Variants in ASCC2 observed in about 807,000 individuals in gnomAD.
ASCC2 encodes ASC-1 complex subunit P100.
In ASCC2, 42 loss-of-function variants were observed where a neutral mutation model predicts 93.5. That is an observed-to-expected ratio of 0.45 (90% confidence interval 0.35 to 0.58). The LOEUF is 0.58. Ranked by LOEUF, ASCC2 falls within the 20% of genes least tolerant of loss-of-function variation. ASCC2 has a pLI of 0.00. For synonymous variants in ASCC2, 364 were observed against 384.2 expected (o/e 0.95, Z 0.62); for missense variants, 859 against 977.6 (o/e 0.88, Z 1.62).
At chr22:29,815,483 C>T (rs1005639519) in intron 6 of ASCC2, among the ~76,000 whole-genome samples, 27 of 152,022 alleles carry the variant, frequency 1.8e-4, no homozygotes, top group African/African-American at 3.9e-4. Context: ...GAGAGGAAAA[C>T]GGTCCATCGT....
chr22:29,814,290 C>T (rs2060590955), intron 7 of ASCC2, among the ~76,000 whole-genome samples: 1 of 152,246 alleles, frequency 6.6e-6, no homozygotes, highest in Non-Finnish European at 1.5e-5. Context: ...GCTTTGCCTC[C>T]AGGCATAGCA....
chr22:29,792,676 A>G lies in ASCC2; in HGVS notation c.1920-141T>C, dbSNP rs913024441. On this transcript the variant is annotated intron_variant, in intron 17 of 19. Coordinates refer to ENST00000307790, the MANE Select transcript of ASCC2 (RefSeq NM_032204.5). ...GGAAAAACCAAAAGCCTTTCAAGCC[A>G]GATTTGCTCCAGCCCCTGGATTCTC... The G allele has an allele frequency of 1.1e-4, 133 of 1,191,406 alleles. 1 individual carries two copies. The highest frequency in any genetic ancestry group is 2.4e-4 in the Middle Eastern group (1 of 4,218). The allele number at this position is 1,191,406 out of a possible 1,614,324, so 73.8% of individuals were successfully genotyped here.
rs1368294183 is a variant in ASCC2 at position 29,825,196 on chromosome 22, T to A, written c.302A>T (p.Lys101Ile). Residue 101 changes from lysine (K) to isoleucine (I), a missense_variant, in exon 4 of 20, where the codon AAA (lysine) becomes ATA (isoleucine). Coordinates refer to ENST00000307790, the MANE Select transcript of ASCC2 (RefSeq NM_032204.5). This position sits in a 1 kb window ranked among gnomAD's most constrained non-coding sequence, Gnocchi z 4.9. ...GGCTGAGGCCACCCCCTCGTCGAATTTGCGGGGGACATAGCGCAGGTAGGA... is the reference window on the plus strand; with the variant it reads ...GGCTGAGGCCACCCCCTCGTCGAATATGCGGGGGACATAGCGCAGGTAGGA... ...LDSYLRYVPR[K>I]FDEGVASAPE... is the part of the protein sequence containing the mutation. 3.8e-6 allele frequency: 6 copies of A among 1,561,748 alleles called. No homozygotes were observed. Among genetic ancestry groups the A allele is most frequent in the Admixed American group, 3.9e-5 (2 of 50,676 alleles).
rs181031015 is a variant in ASCC2, at chr22:29,798,315, T to C, written c.1688+2676A>G. Among the ~76,000 whole-genome samples the C allele has an allele frequency of 8.1e-3, 1,234 of 152,256 alleles. 7 individuals are homozygous for C. The highest frequency in any genetic ancestry group is 0.013 in the Non-Finnish European group (895 of 68,018). ...CCTGCACCCTGTGAGTTGGTTTTCC[T>C]GATGAGATATGAGGGGTATTGGAGA... is the stretch of plus-strand genomic sequence containing the variant. On this transcript the variant is annotated intron_variant, in intron 15 of 19. Coordinates refer to ENST00000307790, the MANE Select transcript of ASCC2 (RefSeq NM_032204.5).
chr22:29,821,831 A>G, intron 5 of ASCC2: 1 of 336,108 alleles, frequency 3.0e-6, no homozygotes, highest in Non-Finnish European at 5.9e-6. Flanking sequence ...CCCATCTACT[A>G]AAAAAAATTT....
chr22:29,789,742 T>A (rs753923049), intron 19 of ASCC2, among the ~76,000 whole-genome samples: 1 of 152,202 alleles, frequency 6.6e-6, no homozygotes, highest in Non-Finnish European at 1.5e-5. Flanking sequence ...GCCTTCAGAA[T>A]GAAATCCAAA....
At chr22:29,830,431 G>C (rs2062986762) in intron 2 of ASCC2, among the ~76,000 whole-genome samples, 1 of 152,216 alleles carries the variant, frequency 6.6e-6, no homozygotes, top group African/African-American at 2.4e-5. Context: ...CAAGACTCCA[G>C]AACTGCATAC....
intron 2 of ASCC2, chr22:29,827,721 C>T: frequency 2.4e-6 from 1 of 419,882 alleles, no homozygotes; most frequent in Non-Finnish European, 5.0e-6. Flanking sequence ...TACCTCTTCC[C>T]TCACTTCTCA....
chr22:29,796,813 G>A (rs938501915), intron 15 of ASCC2, among the ~76,000 whole-genome samples: 1 of 152,216 alleles, frequency 6.6e-6, no homozygotes, highest in Non-Finnish European at 1.5e-5. Flanking sequence ...TCCAGGACCT[G>A]TGCTGGGCCA....
chr22:29,833,615 C>T (rs2063413251), intron 1 of ASCC2: 1 of 470,896 alleles, frequency 2.1e-6, no homozygotes, highest in Admixed American at 2.4e-5. Flanking sequence ...ATCACTTGGC[C>T]TGACCCACAG....
At chr22:29,810,445 T>C (rs1421387256) in intron 8 of ASCC2, among the ~76,000 whole-genome samples, 2 of 152,196 alleles carry the variant, frequency 1.3e-5, no homozygotes, top group African/African-American at 4.8e-5. Flanking sequence ...TACAATGCTA[T>C]ATGTAACAAA....
At chr22:29,824,829 A>G (rs184351437) in intron 4 of ASCC2, among the ~76,000 whole-genome samples, 1 of 152,198 alleles carries the variant, frequency 6.6e-6, no homozygotes, top group African/African-American at 2.4e-5. Context: ...CTGACGCACA[A>G]GTCAAGGCAG....
chr22:29,816,816 G>GGAGA (rs1168250490), intron 5 of ASCC2: 3 of 151,356 alleles, frequency 2.0e-5, no homozygotes, highest in South Asian at 2.1e-4. Flanking sequence ...AGGGAGAGAG[G>GGAGA]GAGGGAGGGA....
intron 9 of ASCC2, among the ~76,000 whole-genome samples, chr22:29,807,726 C>G (rs189555737): frequency 6.6e-6 from 1 of 151,816 alleles, no homozygotes; most frequent in African/African-American, 2.4e-5. Context: ...CTGGCCAACA[C>G]GTCAAAACCC....
rs737945 is a variant in ASCC2, at chr22:29,806,785, G to A, written c.1016+12C>T. ...AGACTCTTCCACCAGGAGGCAATTC[G>A]TGAGGGCTTACCTGCTTTCTAGGAT... On this transcript the variant is annotated intron_variant, in intron 10 of 19. Transcript: ENST00000307790. 5.6e-6 allele frequency: 9 copies of A among 1,598,864 alleles called. No individual in the cohort carries two copies. In the African/African-American group the frequency reaches 6.7e-5, roughly 12 times the overall value.
intron 13 of ASCC2, among the ~76,000 whole-genome samples, chr22:29,804,272 G>C (rs2059420704): frequency 6.6e-6 from 1 of 152,206 alleles, no homozygotes; most frequent in Non-Finnish European, 1.5e-5. Flanking sequence ...GCCAAACCAT[G>C]GGACTTGGCA....
chr22:29,823,460 A>G (rs2148191541), intron 4 of ASCC2, among the ~76,000 whole-genome samples: 1 of 152,392 alleles, frequency 6.6e-6, no homozygotes, highest in Admixed American at 6.5e-5. Context: ...CTTCAGGAAA[A>G]AAGAGAACTA....
At chr22:29,816,205 C>G (rs713656) in intron 5 of ASCC2, 132 bp from the exon 6 acceptor site, 268,255 of 757,754 alleles carry the variant, frequency 0.35, 52,992 homozygotes, top group East Asian at 0.65. Flanking sequence ...GCAGCTAGGA[C>G]CTAGGACGAG....
chr22:29,833,438 G>A (rs1346714316), intron 1 of ASCC2: 1 of 361,468 alleles, frequency 2.8e-6, no homozygotes, highest in South Asian at 2.1e-5. Context: ...AGAAGGACAT[G>A]GAAGAAGGGA....
Sources: allele counts gnomAD v4.1 joint callset (sites outside exome capture counted in the v4.1 genomes callset), GRCh38; gene constraint gnomAD v4.1.1; non-coding constraint Gnocchi (gnomAD v3.1); transcripts MANE v1.5; gene names NCBI Gene and HGNC (gene_info 2026-07-23, HGNC 2026-07-21).